Variants in FRMD3 observed in about 807,000 individuals in gnomAD.
The protein encoded by FRMD3 is FERM domain-containing protein 3.
FRMD3 carries 33 observed loss-of-function variants against 70.2 expected under a neutral mutation model. The observed-to-expected ratio is 0.47, with a 90% confidence interval of 0.36 to 0.63. The LOEUF (loss-of-function observed/expected upper bound fraction) is 0.63. Among genes scored for constraint, FRMD3 ranks in the 20% least tolerant of loss-of-function variants. The probability of loss-of-function intolerance (pLI) is 0.00; values close to 1 mark genes in which losing one functional copy is unlikely to be tolerated. For missense variants in FRMD3, 632 were observed against 711.4 expected (o/e 0.89, Z 1.27); for synonymous variants, 279 against 255.9 (o/e 1.09, Z -0.86).
chr9:83,441,872 C>CA (rs34559228), intron 1 of FRMD3, among the ~76,000 whole-genome samples: 49,429 of 151,754 alleles, frequency 0.33, 8,104 homozygotes, highest in Non-Finnish European at 0.34. Context: ...TTGAAACTGC[C>CA]AAAAAAAGGC....
intron 1 of FRMD3, among the ~76,000 whole-genome samples, chr9:83,396,718 G>A (rs894430110): frequency 1.2e-4 from 18 of 152,188 alleles, no homozygotes; most frequent in Non-Finnish European, 2.4e-4. Flanking sequence ...GGATGAAGCC[G>A]AAATATTCAC....
chr9:83,342,734 A>AGATG (rs1823813639), intron 5 of FRMD3, among the ~76,000 whole-genome samples: 1 of 99,150 alleles, frequency 1.0e-5, no homozygotes, highest in African/African-American at 3.6e-5. Flanking sequence ...ATAGATAGAT[A>AGATG]GTTAGATAGA....
At chr9:83,256,510 A>C (rs1358004677) in intron 13 of FRMD3, among the ~76,000 whole-genome samples, 1 of 152,240 alleles carries the variant, frequency 6.6e-6, no homozygotes, top group Non-Finnish European at 1.5e-5. Context: ...GAAAGCAAAA[A>C]TTGACAAATG....
At chr9:83,466,552 G>A (rs969257919) in intron 1 of FRMD3, among the ~76,000 whole-genome samples, 5 of 152,088 alleles carry the variant, frequency 3.3e-5, no homozygotes, top group East Asian at 1.9e-4. Context: ...TGTGCTGAGC[G>A]TTTGCCTAAC....
At chr9:83,581,482 T>C in the FRMD3 span, among the ~76,000 whole-genome samples, 5 of 152,010 alleles carry the variant, frequency 3.3e-5, no homozygotes, top group Admixed American at 6.6e-5. Flanking sequence ...GGATGTGGAG[T>C]GATTGGAACC....
rs117113674 is a variant in FRMD3, at chr9:83,434,494, T to C, written c.148-44786A>G. The stretch of plus-strand genomic sequence containing the variant: ...AGCTCCCAGCAGCCTACCTGGCCCA[T>C]GGCACTCACAAGCCCAATAAACCTA... On this transcript the variant is annotated intron_variant, in intron 1 of 13. Transcript: ENST00000304195. Among the ~76,000 whole-genome samples the C allele has an allele frequency of 1.6e-3, 237 of 152,352 alleles. 1 individual carries two copies. The highest frequency in any genetic ancestry group is 3.5e-3 in the Admixed American group (53 of 15,302).
Position 83,310,629 on chromosome 9 carries a change from T to A in FRMD3, c.774-81A>T, listed in dbSNP as rs1835316771. The A allele has an allele frequency of 7.7e-6, 8 of 1,038,838 alleles. No individual in the cohort carries two copies. In the South Asian group the frequency reaches 8.6e-5, roughly 11 times the overall value. The allele number at this position is 1,038,838 out of a possible 1,614,324, so 64.4% of individuals were successfully genotyped here. Reference sequence around the variant, plus strand: ...CCTGGGTTTCCCATAGGAATCTGACTCAAAAATGCCAGGCAGATTGCAGTG... The same window carrying A: ...CCTGGGTTTCCCATAGGAATCTGACACAAAAATGCCAGGCAGATTGCAGTG... On this transcript the variant is annotated intron_variant, in intron 8 of 13. Coordinates refer to ENST00000304195, the MANE Select transcript of FRMD3 (RefSeq NM_174938.6).
intron 10 of FRMD3, among the ~76,000 whole-genome samples, chr9:83,306,621 G>C (rs1835146808): frequency 6.6e-6 from 1 of 151,618 alleles, no homozygotes; most frequent in Admixed American, 6.6e-5. Context: ...TTCCCCCTTG[G>C]TCTCTTACAT....
intron 1 of FRMD3, among the ~76,000 whole-genome samples, chr9:83,413,372 T>A (rs1826333768): frequency 6.6e-6 from 1 of 152,168 alleles, no homozygotes; most frequent in African/African-American, 2.4e-5. Flanking sequence ...TGTTGGCTCT[T>A]CTCACTGTCC....
chr9:83,449,146 G>T (rs1827566175), intron 1 of FRMD3, among the ~76,000 whole-genome samples: 1 of 152,172 alleles, frequency 6.6e-6, no homozygotes. Context: ...AACAACAAAG[G>T]AAGGCAAGAG....
At chr9:83,573,952 C>T in the FRMD3 span, among the ~76,000 whole-genome samples, 8 of 152,088 alleles carry the variant, frequency 5.3e-5, no homozygotes, top group African/African-American at 1.7e-4. Context: ...CCACTGTAAG[C>T]GTGTGATTAA....
intron 1 of FRMD3, among the ~76,000 whole-genome samples, chr9:83,467,037 C>G (rs1390396505): frequency 6.6e-6 from 1 of 152,316 alleles, no homozygotes; most frequent in Middle Eastern, 3.4e-3. Context: ...CTAGGTCTGA[C>G]AGAGGAACTG....
intron 6 of FRMD3, among the ~76,000 whole-genome samples, chr9:83,318,451 G>C (rs1835665536): frequency 6.6e-6 from 1 of 151,724 alleles, no homozygotes; most frequent in South Asian, 2.1e-4. Flanking sequence ...TGGTTCAATA[G>C]TATTCCATGC....
intron 13 of FRMD3, among the ~76,000 whole-genome samples, chr9:83,284,380 C>G (rs1156557658): frequency 6.6e-6 from 1 of 152,116 alleles, no homozygotes; most frequent in Non-Finnish European, 1.5e-5. Context: ...GAGGCCGAGG[C>G]GGGCAGATCA....
intron 13 of FRMD3, chr9:83,276,532 T>C (rs1056044702): frequency 7.2e-5 from 11 of 152,344 alleles, no homozygotes; most frequent in African/African-American, 2.2e-4. Flanking sequence ...GCTCCTTGTG[T>C]TGCTGTCATG....
At chr9:83,270,324 A>G (rs531091086) in intron 13 of FRMD3, among the ~76,000 whole-genome samples, 33 of 152,238 alleles carry the variant, frequency 2.2e-4, no homozygotes, top group Non-Finnish European at 3.5e-4. Context: ...GAAGAATGGC[A>G]TTCAGTGATA....
At chr9:83,356,682 T>A (rs1235685295) in intron 3 of FRMD3, among the ~76,000 whole-genome samples, 1 of 151,996 alleles carries the variant, frequency 6.6e-6, no homozygotes, top group Admixed American at 6.5e-5. Context: ...AAACTCACAA[T>A]GTTTCTCATA....
chr9:83,512,824 T>C (rs1030553209), intron 1 of FRMD3, among the ~76,000 whole-genome samples: 2 of 152,028 alleles, frequency 1.3e-5, no homozygotes, highest in African/African-American at 4.8e-5. Context: ...ACTGAGACAG[T>C]GGAATTTTAA....
rs769020448 is a variant in FRMD3, at chr9:83,538,080, C to G, written c.147+5G>C. On this transcript the variant is annotated splice_donor_5th_base_variant and intron_variant, in intron 1 of 13. Transcript: ENST00000304195. This position sits in a 1 kb window ranked among gnomAD's most constrained non-coding sequence, Gnocchi z 4.7. ...CCCCGCGCCCTCGCCCGGTTCCACG[C>G]GCACCTGGATGTGGCAGGAGATCTC... 6.2e-7 allele frequency: 1 copy of G among 1,611,778 alleles called. No individual in the cohort carries two copies. Among genetic ancestry groups the G allele is most frequent in the African/African-American group, 1.3e-5 (1 of 75,028 alleles).
Sources: gnomAD v4.1 joint callset for allele counts (sites outside exome capture counted in the v4.1 genomes callset) on GRCh38, gnomAD v4.1.1 for gene constraint, Gnocchi (gnomAD v3.1) non-coding constraint, MANE v1.5 for transcripts, NCBI Gene and HGNC (gene_info 2026-07-23, HGNC 2026-07-21) for gene names.